Variants in CECR2 observed in about 807,000 individuals in gnomAD.
CECR2 encodes CECR2 histone acetyl-lysine reader, also known as chromatin remodeling regulator CECR2.
Under a neutral mutation model 154.5 loss-of-function variants are expected in CECR2, and 30 were observed. The ratio of observed to expected loss-of-function variants is 0.19; its 90% CI spans 0.15 to 0.26. CECR2 has a LOEUF of 0.26. Among genes scored for constraint, CECR2 ranks in the 10% least tolerant of loss-of-function variants. The pLI is 1.00. For synonymous variants in CECR2, 725 were observed against 683.7 expected, an observed-to-expected ratio of 1.06 and a Z score of -0.94; for missense variants, 1,743 against 1,829.3, an observed-to-expected ratio of 0.95 and a Z score of 0.86.
At chr22:17,513,098 TA>T (rs1240442324) in intron 8 of CECR2, among the ~76,000 whole-genome samples, 1 of 152,048 alleles carries the variant, frequency 6.6e-6, no homozygotes, top group Non-Finnish European at 1.5e-5. Context: ...TTTCATTCTG[TA>T]GTGTAGCTCA....
chr22:17,461,933 C>T (rs2075094223), intron 1 of CECR2, among the ~76,000 whole-genome samples: 1 of 151,832 alleles, frequency 6.6e-6, no homozygotes, highest in South Asian at 2.1e-4. Flanking sequence ...GCTGGGACTA[C>T]AGGTGCGCAC....
At chr22:17,416,737 A>G (rs1265688331) in intron 1 of CECR2, among the ~76,000 whole-genome samples, 1 of 152,170 alleles carries the variant, frequency 6.6e-6, no homozygotes, top group African/African-American at 2.4e-5. Flanking sequence ...GCTGGCCTCA[A>G]GTGATCTGCC....
chr22:17,433,606 C>T (rs993358395), intron 1 of CECR2, among the ~76,000 whole-genome samples: 13 of 151,992 alleles, frequency 8.6e-5, no homozygotes, highest in Non-Finnish European at 8.8e-5. Context: ...CTGCCATGCC[C>T]GGCTAATTTT....
Position 17,549,324 on chromosome 22 carries a change from G to A in CECR2, c.4037G>A (p.Gly1346Glu), listed in dbSNP as rs1451980499. ...FPPHSVMLQT[G>E]PPYTPQRPAS... The stretch of plus-strand genomic sequence containing the variant: ...CCCCACAGTGTGATGCTGCAGACGG[G>A]GCCTCCCTATACCCCTCAGCGGCCG... Residue 1346 changes from glycine (G) to glutamate (E), a missense_variant, in exon 17 of 19, where the codon GGG becomes GAG. Physicochemically the swap from Gly to Glu is moderately conservative, Grantham distance 98. Coordinates refer to ENST00000262608, the MANE Select transcript of CECR2 (RefSeq NM_001290047.2). 1 of 1,613,922 alleles carries A rather than the reference G, an allele frequency of 6.2e-7. No individual in the cohort carries two copies. The highest frequency in any genetic ancestry group is 8.5e-7 in the Non-Finnish European group (1 of 1,179,886).
intron 8 of CECR2, among the ~76,000 whole-genome samples, chr22:17,522,134 A>G (rs943996422): frequency 4.6e-5 from 7 of 152,152 alleles, no homozygotes; most frequent in African/African-American, 1.4e-4. Flanking sequence ...TACCAGTACC[A>G]TGCTGTTTTG....
At chr22:17,437,205 C>G (rs1040899404) in intron 1 of CECR2, among the ~76,000 whole-genome samples, 20 of 152,098 alleles carry the variant, frequency 1.3e-4, no homozygotes, top group African/African-American at 4.8e-4. Context: ...CTTCCCCTTC[C>G]CCCTTGGCCT....
chr22:17,362,255 G>A (rs1195102768), intron 1 of CECR2, among the ~76,000 whole-genome samples: 1 of 152,046 alleles, frequency 6.6e-6, no homozygotes, highest in Admixed American at 6.6e-5. Context: ...TGTTGGCCAG[G>A]CTGGTCTCAA....
intron 1 of CECR2, among the ~76,000 whole-genome samples, chr22:17,364,341 T>TAAAAAAAAAA (rs2062990814): frequency 5.8e-5 from 1 of 17,194 alleles, no homozygotes; most frequent in African/African-American, 4.0e-4. Context: ...AGACTCTGTC[T>TAAAAAAAAAA]CAAAAAAAAA....
intron 1 of CECR2, among the ~76,000 whole-genome samples, chr22:17,381,951 A>C (rs544100711): frequency 1.3e-5 from 2 of 151,418 alleles, no homozygotes; most frequent in Admixed American, 6.6e-5. Context: ...GCAGTGGCAC[A>C]ATCTTGGCTC....
At chr22:17,491,535 T>C (rs764065324) in intron 2 of CECR2, among the ~76,000 whole-genome samples, 12 of 146,998 alleles carry the variant, frequency 8.2e-5, no homozygotes, top group Middle Eastern at 3.6e-3. Flanking sequence ...GTTTTAAGTG[T>C]ATCACTTTAT....
At chr22:17,450,512 T>G (rs5747160) in intron 1 of CECR2, among the ~76,000 whole-genome samples, 45,302 of 152,070 alleles carry the variant, frequency 0.3, 9,608 homozygotes, top group African/African-American at 0.57. Flanking sequence ...CTCGTGATTC[T>G]CCTGCCTCGG....
chr22:17,389,356 T>C (rs1328709792), intron 1 of CECR2, among the ~76,000 whole-genome samples: 1 of 152,242 alleles, frequency 6.6e-6, no homozygotes, highest in African/African-American at 2.4e-5. Context: ...CCTGCCTGCC[T>C]GTCCGGCTAG....
At position 17,422,887 on chromosome 22, in the gene CECR2, C is replaced by T. The variant is rs552066731; in HGVS notation, c.126+52978C>T. On this transcript the variant is annotated intron_variant, in intron 1 of 18. Coordinates refer to ENST00000262608, the MANE Select transcript of CECR2 (RefSeq NM_001290047.2). ...TTTTCTTAGAATTCCTATCTCCCTG[C>T]TCATGCTGCCCACCTGTTCCTGCAA... Among the ~76,000 whole-genome samples the T allele has an allele frequency of 2.6e-5, 4 of 152,250 alleles. No individual in the cohort carries two copies. The South Asian group carries it at 6.2e-4, about 24-fold the overall frequency.
At chr22:17,538,841 A>G (rs2056477387) in intron 12 of CECR2, 110 bp downstream of exon 12, 9 of 1,315,786 alleles carry the variant, frequency 6.8e-6, no homozygotes, top group Middle Eastern at 3.9e-4. Flanking sequence ...TTTCTTTTCA[A>G]CTGTCAAAAG....
intron 1 of CECR2, among the ~76,000 whole-genome samples, chr22:17,448,911 G>A (rs781307738): frequency 4.6e-5 from 7 of 151,250 alleles, no homozygotes; most frequent in South Asian, 2.1e-4. Flanking sequence ...ATGGAGTCTC[G>A]CTCTGTCGCC....
intron 1 of CECR2, among the ~76,000 whole-genome samples, chr22:17,422,882 C>G (rs1046033166): frequency 6.6e-6 from 1 of 152,104 alleles, no homozygotes; most frequent in Non-Finnish European, 1.5e-5. Flanking sequence ...ATTCCTATCT[C>G]CCTGCTCATG....
At chr22:17,521,279 G>A (rs1397446162) in intron 8 of CECR2, among the ~76,000 whole-genome samples, 4 of 152,150 alleles carry the variant, frequency 2.6e-5, no homozygotes, top group South Asian at 2.1e-4. Context: ...AGTGGCTCAC[G>A]CCTGTAATCC....
At chr22:17,401,084 C>T (rs1026328480) in intron 1 of CECR2, among the ~76,000 whole-genome samples, 55 of 151,836 alleles carry the variant, frequency 3.6e-4, no homozygotes, top group Non-Finnish European at 6.6e-4. Context: ...GAGTCTTATT[C>T]TTGCAGGATT....
At chr22:17,475,094 G>A (rs186595947) in intron 1 of CECR2, among the ~76,000 whole-genome samples, 4 of 152,138 alleles carry the variant, frequency 2.6e-5, no homozygotes, top group African/African-American at 9.7e-5. Flanking sequence ...ATGCATGGAC[G>A]CCACAGTGAC....
Sources: allele counts gnomAD v4.1 joint callset (sites outside exome capture counted in the v4.1 genomes callset), GRCh38; gene constraint gnomAD v4.1.1; transcripts MANE v1.5; gene names NCBI Gene and HGNC (gene_info 2026-07-23, HGNC 2026-07-21).